ZNF334: variants seen among roughly 807,000 people sequenced by gnomAD.
ZNF334 encodes zinc finger protein 334.
ZNF334 carries 14 observed loss-of-function variants against 12.4 expected under a neutral mutation model. The observed-to-expected ratio is 1.13, with a 90% CI of 0.74 to 1.76. The LOEUF is 1.76. ZNF334 is among the 40% of genes most tolerant of loss of function. The probability of loss-of-function intolerance (pLI) is 0.00; values close to 1 mark genes in which losing one functional copy is unlikely to be tolerated. For synonymous variants in ZNF334, 273 were observed against 269.6 expected (o/e 1.01, Z -0.12); for missense variants, 797 against 804.5 (o/e 0.99, Z 0.11).
At chr20:46,509,849 T>A in intron 2 of ZNF334, 1 of 597,054 alleles carries the variant, frequency 1.7e-6, no homozygotes, top group Non-Finnish European at 3.0e-6. Context: ...ATATAGCTCC[T>A]AAGAAAGTAT....
Position 46,502,901 on chromosome 20 carries a change from A to T in ZNF334, c.438T>A (p.Asn146Lys). 6.2e-7 allele frequency: 1 copy of T among 1,613,764 alleles called. No homozygotes were observed. ...CNPGGNSLKTNSEVIVAKKSK... is the reference protein window; with the variant it reads ...CNPGGNSLKTKSEVIVAKKSK... The stretch of plus-strand genomic sequence containing the variant: ...TTTTCTTTGCAACAATTACTTCTGA[A>T]TTAGTTTTCAAACTGTTTCCTCCTG... Residue 146 changes from asparagine (N) to lysine (K), a missense_variant, in exon 5 of 5, where the codon AAT (asparagine) becomes AAA (lysine). Transcript: ENST00000692313.
At chr20:46,470,017 C>T in the ZNF334 span, among the ~76,000 whole-genome samples, 1 of 152,096 alleles carries the variant, frequency 6.6e-6, no homozygotes, top group Non-Finnish European at 1.5e-5. Flanking sequence ...CAAGATTCAT[C>T]CCACTCAGGC....
intron 4 of ZNF334, among the ~76,000 whole-genome samples, chr20:46,503,348 A>G (rs937334796): frequency 1.3e-5 from 2 of 152,268 alleles, no homozygotes; most frequent in African/African-American, 4.8e-5. Flanking sequence ...AAACTAGCAA[A>G]GAATACAAGT....
chr20:46,504,665 G>A lies in ZNF334; in HGVS notation c.97C>T (p.Leu33Phe), dbSNP rs199702431. ...TCCAGCATCACATCCCTGTACAGGA[G>A]CCTCTGAGCAGGGTCCAGTTGCTGC... Reference protein sequence around the residue: ...EWQQLDPAQRLLYRDVMLENY... With the variant: ...EWQQLDPAQRFLYRDVMLENY... The change falls in exon 3 of 5, where the codon CTC (leucine) becomes TTC (phenylalanine). Residue 33 changes from leucine to phenylalanine, a missense_variant. Transcript: ENST00000692313. The A allele has an allele frequency of 8.7e-6, 14 of 1,612,620 alleles. No homozygotes were observed. In the East Asian group the frequency reaches 3.1e-4, roughly 36 times the overall value.
downstream of ZNF334, among the ~76,000 whole-genome samples, chr20:46,495,479 A>G (rs551012134): frequency 2.6e-5 from 4 of 152,152 alleles, no homozygotes; most frequent in African/African-American, 7.2e-5. Context: ...ACTTCCATAG[A>G]ATGCAAAATT....
chr20:46,471,477 C>G, the ZNF334 span, among the ~76,000 whole-genome samples: 1 of 152,138 alleles, frequency 6.6e-6, no homozygotes, highest in Non-Finnish European at 1.5e-5. Flanking sequence ...TCAAATTTAT[C>G]AATCTTTTCC....
chr20:46,513,373 C>T lies in ZNF334; in HGVS notation c.-872G>A, dbSNP rs1234184851. On this transcript the variant is annotated 5_prime_UTR_variant, in exon 1 of 5. Coordinates refer to ENST00000692313, the MANE Select transcript of ZNF334 (RefSeq NM_001353824.2). Reference sequence around the variant, plus strand: ...AAAGACAGGGAGAGCGCGCGTCCACCCTCCGCAGACCCGAGGCCCGCTCCG... The same window carrying T: ...AAAGACAGGGAGAGCGCGCGTCCACTCTCCGCAGACCCGAGGCCCGCTCCG... 2 of 152,588 alleles carry T rather than the reference C, an allele frequency of 1.3e-5. No homozygotes were observed. Among genetic ancestry groups the T allele is most frequent in the Admixed American group, 6.5e-5 (1 of 15,288 alleles). 9.5% of individuals were successfully genotyped at this position (152,588 alleles called of 1,614,324 possible).
downstream of ZNF334, among the ~76,000 whole-genome samples, chr20:46,497,940 C>T (rs538297417): frequency 2.3e-4 from 30 of 130,656 alleles, no homozygotes; most frequent in Admixed American, 1.8e-3. Flanking sequence ...CTCACCTATG[C>T]AGAACATTAT....
In ZNF334 at chr20:46,502,406, G is replaced by A. The variant is rs1488639558; in HGVS notation, c.933C>T (p.His311=). ...TFIDKSALIV[H]QKIHGGEKSY... is the part of the protein sequence containing the mutation. ...ATTTCTCCCCTCCATGAATTTTCTG[G>A]TGTACAATAAGGGCAGATTTGTCAA... is the stretch of plus-strand genomic sequence containing the variant. The change falls in exon 5 of 5, where the codon CAC becomes CAT. Residue 311 remains histidine (H), a synonymous_variant. Transcript: ENST00000692313. 1.2e-6 allele frequency: 2 copies of A among 1,613,868 alleles called. No individual in the cohort carries two copies. The highest frequency in any genetic ancestry group is 2.7e-5 in the African/African-American group (2 of 74,882).
downstream of ZNF334, among the ~76,000 whole-genome samples, chr20:46,495,570 C>G (rs1056562040): frequency 6.6e-6 from 1 of 152,072 alleles, no homozygotes; most frequent in Non-Finnish European, 1.5e-5. Flanking sequence ...TATCTCTTAT[C>G]CCCCACCTTT....
downstream of ZNF334, among the ~76,000 whole-genome samples, chr20:46,495,827 T>C (rs1043565040): frequency 2.0e-5 from 3 of 152,234 alleles, no homozygotes; most frequent in East Asian, 1.9e-4. Context: ...ACTCTGATCA[T>C]AGGCCACTGT....
At chr20:46,471,365 C>T in the ZNF334 span, among the ~76,000 whole-genome samples, 1 of 152,162 alleles carries the variant, frequency 6.6e-6, no homozygotes, top group Non-Finnish European at 1.5e-5. Context: ...AATACTGTGT[C>T]AGGTATATTT....
intron 3 of ZNF334, 109 bp downstream of exon 3, chr20:46,504,502 ATCT>A: frequency 8.7e-6 from 12 of 1,383,408 alleles, no homozygotes; most frequent in Non-Finnish European, 1.2e-5. Context: ...AAAGGGTTTA[ATCT>A]TCTTGCTCCC....
chr20:46,482,562 C>A, the ZNF334 span, among the ~76,000 whole-genome samples: 1 of 152,122 alleles, frequency 6.6e-6, no homozygotes, highest in Non-Finnish European at 1.5e-5. Context: ...TTTAACAATG[C>A]AGATGAATAA....
In ZNF334 at chr20:46,501,549, TC is replaced by T. The variant is rs2061167540; in HGVS notation, c.1789del (p.Glu597ArgfsTer107). Reference sequence around the variant, plus strand: ...ACATTCATTACATTCATATGGTTTCTCCCCAGTGTGAGTTCGCTGATGTTCA... The same window carrying T: ...ACATTCATTACATTCATATGGTTTCTCCCAGTGTGAGTTCGCTGATGTTCA... ...FVEHQRTHTG[E>X]KPYECNECGK... On this transcript the variant is annotated frameshift_variant, in exon 5 of 5. Coordinates refer to ENST00000692313, the MANE Select transcript of ZNF334 (RefSeq NM_001353824.2). LOFTEE classifies it low-confidence loss of function (END_TRUNC). The T allele has an allele frequency of 6.2e-7, 1 of 1,614,022 alleles. No homozygotes were observed. The highest frequency in any genetic ancestry group is 1.1e-5 in the South Asian group (1 of 91,090).
chr20:46,489,938 T>C, the ZNF334 span, among the ~76,000 whole-genome samples: 1 of 152,206 alleles, frequency 6.6e-6, no homozygotes, highest in Non-Finnish European at 1.5e-5. Flanking sequence ...TTTGTATGTA[T>C]ATAGAAATGC....
At chr20:46,470,833 C>T in the ZNF334 span, among the ~76,000 whole-genome samples, 2 of 152,124 alleles carry the variant, frequency 1.3e-5, no homozygotes, top group Non-Finnish European at 2.9e-5. Flanking sequence ...TATATGAGTA[C>T]ACTGCCATAT....
chr20:46,500,498 A>G lies in ZNF334; in HGVS notation c.*798T>C, dbSNP rs2061118011. 6.6e-6 allele frequency: 1 copy of G among 152,234 alleles called. No homozygotes were observed. Among genetic ancestry groups the G allele is most frequent in the African/African-American group, 2.4e-5 (1 of 41,460 alleles). The allele number at this position is 152,234 out of a possible 1,614,324, so 9.4% of individuals were successfully genotyped here. A position where few individuals can be genotyped will look rare whatever the true frequency, so the allele number is the denominator to read the frequency against. On this transcript the variant is annotated 3_prime_UTR_variant, in exon 5 of 5. Transcript: ENST00000692313. ...CATAAACCACTGGTAGATGGGGTTG[A>G]GTGGATATTACAGAATACTAAAACC...
chr20:46,469,496 G>A, the ZNF334 span, among the ~76,000 whole-genome samples: 1 of 151,788 alleles, frequency 6.6e-6, no homozygotes, highest in Non-Finnish European at 1.5e-5. Context: ...AGCCTCCTGA[G>A]TAGCTGAGAC....
Sources: gnomAD v4.1 joint callset for allele counts (sites outside exome capture counted in the v4.1 genomes callset) on GRCh38, gnomAD v4.1.1 for gene constraint, MANE v1.5 for transcripts, NCBI Gene and HGNC (gene_info 2026-07-23, HGNC 2026-07-21) for gene names.